The following GAB2 variants were observed in gnomAD, a reference collection of about 807,000 sequenced individuals.
GAB2 encodes GRB2-associated-binding protein 2.
GAB2 carries 26 observed loss-of-function variants against 65.5 expected under a neutral mutation model. The ratio of observed to expected loss-of-function variants is 0.40; its 90% CI spans 0.29 to 0.55. The LOEUF (loss-of-function observed/expected upper bound fraction) is 0.55, where lower values mean the gene tolerates loss of function less well. GAB2 is among the 20% of genes least tolerant of loss of function. The probability of loss-of-function intolerance (pLI) is 0.53; values close to 1 mark genes in which losing one functional copy is unlikely to be tolerated. For missense variants in GAB2, 884 were observed against 875.8 expected, an observed-to-expected ratio of 1.01 and a Z score of -0.12; for synonymous variants, 321 against 329.6, an observed-to-expected ratio of 0.97 and a Z score of 0.28.
intron 1 of GAB2, among the ~76,000 whole-genome samples, chr11:78,398,695 C>T (rs889791183): frequency 5.3e-5 from 8 of 152,106 alleles, no homozygotes; most frequent in Non-Finnish European, 1.0e-4. Context: ...GAGCGTGTGG[C>T]CAAAATAACA....
At chr11:78,329,247 G>A (rs541080189) in intron 1 of GAB2, among the ~76,000 whole-genome samples, 4 of 152,234 alleles carry the variant, frequency 2.6e-5, no homozygotes, top group South Asian at 2.1e-4. Context: ...TCTGGGTTGC[G>A]TGGCTAGGAG....
Position 78,218,968 on chromosome 11 carries a change from G to C in GAB2, c.*304C>G. The stretch of plus-strand genomic sequence containing the variant: ...CTCCAAACATCTGGTAGAGAGTCAG[G>C]TCTAAAGGACAGGAAGAGGCTGAAG... On this transcript the variant is annotated 3_prime_UTR_variant, in exon 10 of 10. Coordinates refer to ENST00000361507, the MANE Select transcript of GAB2 (RefSeq NM_080491.3). 1 of 319,516 alleles carries C rather than the reference G, an allele frequency of 3.1e-6. No individual in the cohort carries two copies. Among genetic ancestry groups the C allele is most frequent in the Admixed American group, 4.5e-5 (1 of 22,080 alleles). The allele number at this position is 319,516 out of a possible 1,614,324, so 19.8% of individuals were successfully genotyped here.
Position 78,236,733 on chromosome 11 carries a change from T to C in GAB2, c.621-9682A>G, listed in dbSNP as rs147068054. Among the ~76,000 whole-genome samples, 7 of 151,660 alleles carry C rather than the reference T, an allele frequency of 4.6e-5. No homozygotes were observed. The East Asian group carries it at 1.4e-3, about 29-fold the overall frequency. On this transcript the variant is annotated intron_variant, in intron 3 of 9. Coordinates refer to ENST00000361507, the MANE Select transcript of GAB2 (RefSeq NM_080491.3). ...ATCTATTGAGGTTATGATTATATTATTTTTCTCCTTCATTCTCTTAATGTA... is the reference window on the plus strand; with the variant it reads ...ATCTATTGAGGTTATGATTATATTACTTTTCTCCTTCATTCTCTTAATGTA...
At chr11:78,288,733 G>C (rs910539531) in intron 1 of GAB2, among the ~76,000 whole-genome samples, 1 of 152,160 alleles carries the variant, frequency 6.6e-6, no homozygotes, top group Non-Finnish European at 1.5e-5. Context: ...TGGACAACTC[G>C]ACTTGGTGCA....
chr11:78,314,336 C>A (rs1460117707), intron 1 of GAB2, among the ~76,000 whole-genome samples: 3 of 152,234 alleles, frequency 2.0e-5, no homozygotes, highest in African/African-American at 7.2e-5. Flanking sequence ...TCCCATATGA[C>A]ATGCCAAAAT....
intron 1 of GAB2, among the ~76,000 whole-genome samples, chr11:78,331,852 C>T (rs1855920279): frequency 6.6e-6 from 1 of 152,100 alleles, no homozygotes; most frequent in South Asian, 2.1e-4. Context: ...TAAGGCAGCT[C>T]TTTATCTCCT....
At chr11:78,263,890 C>G (rs898983419) in intron 2 of GAB2, among the ~76,000 whole-genome samples, 1 of 144,280 alleles carries the variant, frequency 6.9e-6, no homozygotes, top group Non-Finnish European at 1.5e-5. Flanking sequence ...GGATGTCAGT[C>G]TCCTGTCAAT....
At chr11:78,393,811 T>C (rs1439200207) in intron 1 of GAB2, among the ~76,000 whole-genome samples, 1 of 152,250 alleles carries the variant, frequency 6.6e-6, no homozygotes, top group Non-Finnish European at 1.5e-5. Context: ...CCTGGCATTA[T>C]CATATTTAAT....
At chr11:78,221,889 C>T in intron 7 of GAB2, 110 bp from the exon 8 acceptor site, 2 of 725,098 alleles carry the variant, frequency 2.8e-6, no homozygotes, top group Non-Finnish European at 2.4e-6. Flanking sequence ...GCCATTAGAG[C>T]TGCACACTCC....
At chr11:78,364,484 A>G (rs963810663) in intron 1 of GAB2, among the ~76,000 whole-genome samples, 1 of 152,272 alleles carries the variant, frequency 6.6e-6, no homozygotes, top group Non-Finnish European at 1.5e-5. Flanking sequence ...TGGACACAAT[A>G]CATGCTACTT....
At chr11:78,301,295 A>G (rs937378688) in intron 1 of GAB2, among the ~76,000 whole-genome samples, 1 of 151,222 alleles carries the variant, frequency 6.6e-6, no homozygotes, top group African/African-American at 2.4e-5. Flanking sequence ...ACAAATAATA[A>G]TTATACATAT....
intron 1 of GAB2, among the ~76,000 whole-genome samples, chr11:78,298,618 C>G (rs1022798082): frequency 5.9e-5 from 9 of 152,312 alleles, no homozygotes; most frequent in African/African-American, 2.2e-4. Flanking sequence ...CTCCCATTGA[C>G]AAAGCAACAA....
intron 3 of GAB2, among the ~76,000 whole-genome samples, chr11:78,230,005 A>G (rs1000342286): frequency 2.0e-5 from 3 of 152,298 alleles, no homozygotes; most frequent in Middle Eastern, 3.4e-3. Flanking sequence ...TGTTACCTAT[A>G]TTAGGCACCA....
intron 2 of GAB2, among the ~76,000 whole-genome samples, chr11:78,268,476 A>G (rs911384204): frequency 2.6e-5 from 4 of 152,218 alleles, no homozygotes; most frequent in Admixed American, 2.0e-4. Context: ...GCCCAATATT[A>G]GAGTTAGACT....
intron 1 of GAB2, among the ~76,000 whole-genome samples, chr11:78,340,611 T>G (rs1392551690): frequency 7.1e-6 from 1 of 140,122 alleles, no homozygotes; most frequent in Non-Finnish European, 1.5e-5. Flanking sequence ...ACTGCTTATG[T>G]GAAGAGGAAA....
At chr11:78,343,511 T>C (rs1856133564) in intron 1 of GAB2, among the ~76,000 whole-genome samples, 1 of 151,956 alleles carries the variant, frequency 6.6e-6, no homozygotes, top group South Asian at 2.1e-4. Flanking sequence ...TTTCAAAAGA[T>C]GGAAATAGAT....
At chr11:78,371,582 A>G (rs527926436) in intron 1 of GAB2, among the ~76,000 whole-genome samples, 33 of 152,322 alleles carry the variant, frequency 2.2e-4, no homozygotes, top group African/African-American at 5.8e-4. Context: ...GTTTATATTT[A>G]TGATCACTCA....
At chr11:78,415,331 T>C (rs535193759) in intron 1 of GAB2, among the ~76,000 whole-genome samples, 221 of 152,374 alleles carry the variant, frequency 1.5e-3, no homozygotes, top group Admixed American at 3.2e-3. Context: ...CAGCAGCTAC[T>C]TTGGGGTAAA....
chr11:78,412,541 T>TA (rs1857143050), intron 1 of GAB2, among the ~76,000 whole-genome samples: 1 of 152,152 alleles, frequency 6.6e-6, no homozygotes, highest in Non-Finnish European at 1.5e-5. Context: ...AAGGGCAACA[T>TA]AAAAAATCCT....
Sources: allele counts gnomAD v4.1 joint callset (sites outside exome capture counted in the v4.1 genomes callset), GRCh38; gene constraint gnomAD v4.1.1; transcripts MANE v1.5; gene names NCBI Gene and HGNC (gene_info 2026-07-23, HGNC 2026-07-21).